The following PCMTD1 variants were observed in gnomAD, a reference collection of about 807,000 sequenced individuals.
PCMTD1 encodes protein-L-isoaspartate (D-aspartate) O-methyltransferase domain containing 1, also known as protein-L-isoaspartate O-methyltransferase domain-containing protein 1.
In PCMTD1, 12 loss-of-function variants were observed where a neutral mutation model predicts 37.6. The ratio of observed to expected loss-of-function variants is 0.32; its 90% CI spans 0.20 to 0.52. The LOEUF (loss-of-function observed/expected upper bound fraction) is 0.52, where lower values mean the gene tolerates loss of function less well. PCMTD1 is among the 20% of genes least tolerant of loss of function. PCMTD1 has a pLI of 0.97. For synonymous variants in PCMTD1, 117 were observed against 135.8 expected, an observed-to-expected ratio of 0.86 and a Z score of 0.96; for missense variants, 235 against 421.3, an observed-to-expected ratio of 0.56 and a Z score of 3.87.
At chr8:51,888,959 T>C (rs1046302522) in intron 1 of PCMTD1, among the ~76,000 whole-genome samples, 3 of 151,752 alleles carry the variant, frequency 2.0e-5, no homozygotes, top group Non-Finnish European at 4.4e-5. Context: ...CTCACTGCAG[T>C]AACTTCTCGT....
In PCMTD1 at chr8:51,831,396, A is replaced by C. The variant is rs201248354; in HGVS notation, c.706+48T>G. ...GTCTTAAATCCCAAGCATAAAAGCC[A>C]AACACCATAAGTCATAATTCAATCA... On this transcript the variant is annotated intron_variant, in intron 5 of 5. Coordinates refer to ENST00000522514, the MANE Select transcript of PCMTD1 (RefSeq NM_052937.4). The C allele has an allele frequency of 2.5e-6, 4 of 1,574,454 alleles. No individual in the cohort carries two copies. In the Admixed American group the frequency reaches 5.3e-5, roughly 21 times the overall value.
At chr8:51,833,798 G>C (rs1018366890) in intron 3 of PCMTD1, 109 bp from the exon 4 acceptor site, 2 of 684,116 alleles carry the variant, frequency 2.9e-6, no homozygotes, top group African/African-American at 3.6e-5. Flanking sequence ...TTAATTATAA[G>C]GATAAAATGA....
intron 1 of PCMTD1, among the ~76,000 whole-genome samples, chr8:51,878,238 ATTTTTTTTTTGGTTTT>A (rs2038740594): frequency 1.3e-5 from 1 of 74,310 alleles, no homozygotes; most frequent in Non-Finnish European, 4.0e-5. Flanking sequence ...ATATTATGAG[ATTTTTTTTTTGGTTTT>A]TTTTTTTTTT....
chr8:51,899,139 G>C (rs926915288), upstream of PCMTD1: 7 of 1,364,268 alleles, frequency 5.1e-6, no homozygotes, highest in Middle Eastern at 2.7e-4. Context: ...CACAGGGGCA[G>C]CTCCCCGCGG....
intron 1 of PCMTD1, among the ~76,000 whole-genome samples, chr8:51,891,903 C>T (rs1223844021): frequency 6.6e-6 from 1 of 151,980 alleles, no homozygotes; most frequent in Non-Finnish European, 1.5e-5. Context: ...AAGATTCTGA[C>T]TTTTACCATT....
intron 2 of PCMTD1, among the ~76,000 whole-genome samples, chr8:51,848,007 G>T (rs530982504): frequency 2.0e-5 from 3 of 152,264 alleles, no homozygotes; most frequent in South Asian, 2.1e-4. Context: ...CTTGAGACCA[G>T]GAGGTAGAAG....
At chr8:51,872,364 TA>T (rs1004193603) in intron 1 of PCMTD1, among the ~76,000 whole-genome samples, 5 of 152,192 alleles carry the variant, frequency 3.3e-5, no homozygotes, top group Non-Finnish European at 1.5e-5. Flanking sequence ...GCCTCAGATT[TA>T]AGGATTACTG....
At chr8:51,832,704 C>T (rs1043609762) in intron 4 of PCMTD1, among the ~76,000 whole-genome samples, 1 of 152,100 alleles carries the variant, frequency 6.6e-6, no homozygotes, top group African/African-American at 2.4e-5. Context: ...TAATTCCAAA[C>T]CAAGGCTAAA....
intron 1 of PCMTD1, among the ~76,000 whole-genome samples, chr8:51,892,296 C>T (rs547435139): frequency 9.2e-5 from 14 of 152,310 alleles, no homozygotes; most frequent in Admixed American, 9.1e-4. Context: ...TACCACGTAT[C>T]ATTTCTAAAC....
intron 1 of PCMTD1, among the ~76,000 whole-genome samples, chr8:51,883,353 G>C (rs2038819654): frequency 6.6e-6 from 1 of 152,152 alleles, no homozygotes; most frequent in Non-Finnish European, 1.5e-5. Flanking sequence ...CATTAAAGGT[G>C]AAAGAGTTGA....
intron 2 of PCMTD1, among the ~76,000 whole-genome samples, chr8:51,850,482 C>T (rs2038288944): frequency 1.3e-5 from 2 of 152,158 alleles, no homozygotes; most frequent in Admixed American, 6.5e-5. Context: ...TCTCTCAGGG[C>T]GTGACCCAGG....
intron 5 of PCMTD1, among the ~76,000 whole-genome samples, chr8:51,829,172 T>A (rs1346218490): frequency 6.6e-6 from 1 of 152,162 alleles, no homozygotes; most frequent in Non-Finnish European, 1.5e-5. Context: ...GATCTATGAC[T>A]CTCACCAATC....
intron 5 of PCMTD1, among the ~76,000 whole-genome samples, chr8:51,831,189 T>C (rs1258770686): frequency 6.6e-6 from 1 of 151,982 alleles, no homozygotes; most frequent in Non-Finnish European, 1.5e-5. Context: ...TCCCACCTAC[T>C]TGGGTGTCTG....
At chr8:51,886,300 T>C (rs1385040299) in intron 1 of PCMTD1, among the ~76,000 whole-genome samples, 2 of 152,254 alleles carry the variant, frequency 1.3e-5, no homozygotes, top group Non-Finnish European at 2.9e-5. Context: ...AGGAAAGTTC[T>C]ATCATTTCAA....
At chr8:51,880,022 C>CA (rs1265645349) in intron 1 of PCMTD1, among the ~76,000 whole-genome samples, 4,758 of 130,718 alleles carry the variant, frequency 0.036, 169 homozygotes, top group African/African-American at 0.097. Context: ...CATCTCTAAC[C>CA]AAAAAAAAAA....
At chr8:51,894,820 G>C (rs985971722) in intron 1 of PCMTD1, among the ~76,000 whole-genome samples, 1 of 151,790 alleles carries the variant, frequency 6.6e-6, no homozygotes, top group African/African-American at 2.4e-5. Context: ...GAAAAGGAGA[G>C]AGAGAAGAAC....
chr8:51,894,970 T>C (rs1034594631), intron 1 of PCMTD1, among the ~76,000 whole-genome samples: 4 of 152,146 alleles, frequency 2.6e-5, no homozygotes, highest in Admixed American at 6.5e-5. Flanking sequence ...TGACAGCTAC[T>C]AAGTTGATCA....
rs186554692 is a variant in PCMTD1 at position 51,875,522 on chromosome 8, T to C, written c.-95-14276A>G. The stretch of plus-strand genomic sequence containing the variant: ...TGCTACTCCTTAGAAGGATCATTTG[T>C]AGAATGAATATTAGTATATCAAATC... On this transcript the variant is annotated intron_variant, in intron 1 of 5. Coordinates refer to ENST00000522514, the MANE Select transcript of PCMTD1 (RefSeq NM_052937.4). Among the ~76,000 whole-genome samples, 6 of 152,328 alleles carry C rather than the reference T, an allele frequency of 3.9e-5. No individual in the cohort carries two copies. In the East Asian group the frequency reaches 9.6e-4, roughly 24 times the overall value.
chr8:51,862,580 T>C lies in PCMTD1; in HGVS notation c.-95-1334A>G, dbSNP rs186774968. 1.9e-3 allele frequency among the ~76,000 whole-genome samples: 296 copies of C among 152,312 alleles called. 2 individuals carry two copies. The highest frequency in any genetic ancestry group is 6.9e-3 in the African/African-American group (287 of 41,570). On this transcript the variant is annotated intron_variant, in intron 1 of 5. Transcript: ENST00000522514. ...GAGAAAGTGTGAAATGAAATACCCA[T>C]GGCCAGTAACAAGAGTTATGACAGT... is the stretch of plus-strand genomic sequence containing the variant.
Sources: allele counts gnomAD v4.1 joint callset (sites outside exome capture counted in the v4.1 genomes callset), GRCh38; gene constraint gnomAD v4.1.1; transcripts MANE v1.5; gene names NCBI Gene and HGNC (gene_info 2026-07-23, HGNC 2026-07-21).